The following C3orf52 variants were observed in gnomAD, a reference collection of about 807,000 sequenced individuals.
C3orf52 encodes TPA-induced transmembrane protein.
In C3orf52, 22 loss-of-function variants were observed where a neutral mutation model predicts 24.8. The ratio of observed to expected loss-of-function variants is 0.89; its 90% CI spans 0.63 to 1.27. The LOEUF (loss-of-function observed/expected upper bound fraction) is 1.27. C3orf52 is among the 50% of genes most tolerant of loss of function. C3orf52 has a pLI of 0.00. For synonymous variants in C3orf52, 93 were observed against 100.2 expected (o/e 0.93, Z 0.43); for missense variants, 265 against 260.7 (o/e 1.02, Z -0.11).
rs573068302 is a variant in C3orf52 at position 112,103,642 on chromosome 3, C to G, written c.396+677C>G. 2.0e-5 allele frequency among the ~76,000 whole-genome samples: 3 copies of G among 152,224 alleles called. No individual in the cohort carries two copies. In the South Asian group the frequency reaches 6.2e-4, roughly 32 times the overall value. On this transcript the variant is annotated intron_variant, in intron 3 of 5. Transcript: ENST00000264848. Reference sequence around the variant, plus strand: ...TCGTTTTATAATAGTGTGGTATGTTCTAGTGTGTTGTACAGTGGCAAAGGA... The same window carrying G: ...TCGTTTTATAATAGTGTGGTATGTTGTAGTGTGTTGTACAGTGGCAAAGGA...
At chr3:112,104,262 C>A (rs1243286572) in intron 3 of C3orf52, among the ~76,000 whole-genome samples, 1 of 152,124 alleles carries the variant, frequency 6.6e-6, no homozygotes, top group Non-Finnish European at 1.5e-5. Context: ...TGCAGCCAGA[C>A]TAGGACCGTT....
intron 4 of C3orf52, chr3:112,126,959 TG>T: frequency 1.3e-6 from 2 of 1,500,226 alleles, no homozygotes; most frequent in Non-Finnish European, 1.9e-6. Context: ...TTATCAAAAG[TG>T]AAAATACTAG....
intron 1 of C3orf52, among the ~76,000 whole-genome samples, chr3:112,087,463 G>A (rs1357802887): frequency 1.3e-5 from 2 of 152,104 alleles, no homozygotes; most frequent in Non-Finnish European, 2.9e-5. Context: ...TGGGTGCACA[G>A]AACTCCCCAT....
At chr3:112,100,881 A>G (rs1164180436) in intron 2 of C3orf52, among the ~76,000 whole-genome samples, 1 of 152,236 alleles carries the variant, frequency 6.6e-6, no homozygotes, top group Non-Finnish European at 1.5e-5. Context: ...ATAAGTAAGC[A>G]ATAATGGCAG....
chr3:112,132,986 C>A, downstream of C3orf52: 1 of 1,138,710 alleles, frequency 8.8e-7, no homozygotes, highest in Non-Finnish European at 1.3e-6. Flanking sequence ...CAACTACTTT[C>A]TACCCCAACT....
intron 5 of C3orf52, among the ~76,000 whole-genome samples, chr3:112,115,174 A>G (rs1056939566): frequency 6.6e-6 from 1 of 152,204 alleles, no homozygotes; most frequent in Non-Finnish European, 1.5e-5. Flanking sequence ...TGAATGTGCA[A>G]TATTTGAGCC....
At chr3:112,107,122 C>T (rs1205763288) in intron 3 of C3orf52, among the ~76,000 whole-genome samples, 1 of 152,166 alleles carries the variant, frequency 6.6e-6, no homozygotes, top group Non-Finnish European at 1.5e-5. Flanking sequence ...TAGTCGACCA[C>T]TCCATATGTT....
downstream of C3orf52, among the ~76,000 whole-genome samples, chr3:112,120,268 A>C (rs1392758291): frequency 6.6e-6 from 1 of 152,196 alleles, no homozygotes; most frequent in Non-Finnish European, 1.5e-5. Context: ...AACAGAATCT[A>C]CTTTTCCCTG....
downstream of C3orf52, chr3:112,123,212 C>T (rs1576157807): frequency 4.6e-6 from 3 of 648,672 alleles, no homozygotes; most frequent in Non-Finnish European, 7.5e-6. Context: ...ACTCTCCAAA[C>T]CATGTAGAAC....
At chr3:112,132,879 T>G, downstream of C3orf52, 1 of 528,208 alleles carries the variant, frequency 1.9e-6, no homozygotes, top group Non-Finnish European at 3.2e-6. Flanking sequence ...CTCCATCAGC[T>G]GCTCACCATG....
downstream of C3orf52, among the ~76,000 whole-genome samples, chr3:112,132,026 A>G (rs1437084814): frequency 6.6e-6 from 1 of 152,200 alleles, no homozygotes; most frequent in Non-Finnish European, 1.5e-5. Context: ...AATGCCAGGA[A>G]CCAGGAATTC....
chr3:112,112,256 G>T (rs1405857218), intron 4 of C3orf52: 1 of 152,188 alleles, frequency 6.6e-6, no homozygotes, highest in African/African-American at 2.4e-5. Flanking sequence ...TTGGAAATGG[G>T]AAAAAATGTT....
chr3:112,106,895 C>T (rs574308742), intron 3 of C3orf52, among the ~76,000 whole-genome samples: 7 of 152,158 alleles, frequency 4.6e-5, no homozygotes, highest in Non-Finnish European at 7.3e-5. Flanking sequence ...GCATCAGACT[C>T]AGCTAATCAA....
At chr3:112,091,872 C>T (rs1226116634) in intron 1 of C3orf52, among the ~76,000 whole-genome samples, 1 of 152,034 alleles carries the variant, frequency 6.6e-6, no homozygotes, top group African/African-American at 2.4e-5. Context: ...GGCGTGGTGG[C>T]GGGCGCCTGT....
At chr3:112,130,354 C>G (rs1409982009), downstream of C3orf52, 4 of 967,272 alleles carry the variant, frequency 4.1e-6, no homozygotes, top group East Asian at 7.2e-5. Flanking sequence ...TAAACAGGGC[C>G]CTCTCTCACT....
intron 4 of C3orf52, chr3:112,125,169 A>G: frequency 9.0e-7 from 1 of 1,107,554 alleles, no homozygotes; most frequent in Non-Finnish European, 1.4e-6. Flanking sequence ...CCTGCCATTT[A>G]GGGTGTCTGT....
downstream of C3orf52, among the ~76,000 whole-genome samples, chr3:112,131,956 G>A (rs898900244): frequency 6.6e-6 from 1 of 151,834 alleles, no homozygotes; most frequent in African/African-American, 2.4e-5. Context: ...AAATTTTAAA[G>A]TAAAAAAATT....
At chr3:112,124,152 C>T (rs958049591) in intron 4 of C3orf52, among the ~76,000 whole-genome samples, 11 of 152,184 alleles carry the variant, frequency 7.2e-5, no homozygotes, top group Middle Eastern at 3.2e-3. Context: ...GTGCCATCCT[C>T]GCAGTTATGA....
At chr3:112,112,694 T>C in intron 4 of C3orf52, 1 of 443,636 alleles carries the variant, frequency 2.3e-6, no homozygotes. Flanking sequence ...TGGGCACCTC[T>C]ACCTCTACCT....
Sources: gnomAD v4.1 joint callset for allele counts (sites outside exome capture counted in the v4.1 genomes callset) on GRCh38, gnomAD v4.1.1 for gene constraint, MANE v1.5 for transcripts, NCBI Gene and HGNC (gene_info 2026-07-23, HGNC 2026-07-21) for gene names.